APBB2: variants seen among roughly 807,000 people sequenced by gnomAD.
APBB2 encodes the protein amyloid beta precursor protein binding family B member 2.
In APBB2, 38 loss-of-function variants were observed where a neutral mutation model predicts 82.5. The ratio of observed to expected loss-of-function variants is 0.46; its 90% CI spans 0.36 to 0.60. APBB2 has a LOEUF of 0.60. APBB2 is among the 20% of genes least tolerant of loss of function. The pLI, the probability that APBB2 is intolerant of heterozygous loss-of-function variation, is 0.00. For synonymous variants in APBB2, 341 were observed against 368.2 expected (o/e 0.93, Z 0.85); for missense variants, 772 against 972.3 (o/e 0.79, Z 2.74).
intron 1 of APBB2, among the ~76,000 whole-genome samples, chr4:41,204,828 C>A (rs531885830): frequency 6.6e-6 from 1 of 152,148 alleles, no homozygotes; most frequent in Admixed American, 6.6e-5. Flanking sequence ...GAAAGGAATT[C>A]GAAAGATATA....
chr4:40,987,217 C>T (rs1162354783), intron 6 of APBB2, among the ~76,000 whole-genome samples: 1 of 137,310 alleles, frequency 7.3e-6, no homozygotes, highest in Non-Finnish European at 1.6e-5. Context: ...TGATACTAAG[C>T]ATATCATCAA....
At chr4:41,128,066 C>A (rs147303216) in intron 2 of APBB2, among the ~76,000 whole-genome samples, 2 of 149,464 alleles carry the variant, frequency 1.3e-5, no homozygotes, top group South Asian at 4.3e-4. Context: ...GGTAACAGAG[C>A]GAGACTCCAT....
chr4:41,210,384 A>T (rs1195338752), intron 1 of APBB2, among the ~76,000 whole-genome samples: 1 of 152,318 alleles, frequency 6.6e-6, no homozygotes, highest in Middle Eastern at 3.4e-3. Flanking sequence ...AGTGAATTGA[A>T]GTAAGGGACA....
At chr4:41,118,114 T>C (rs904450405) in intron 2 of APBB2, 3 of 151,788 alleles carry the variant, frequency 2.0e-5, no homozygotes, top group Non-Finnish European at 2.9e-5. Flanking sequence ...TTCAGGAGGC[T>C]GAGGAAGGAA....
chr4:41,033,876 T>C (rs540090502), intron 4 of APBB2, among the ~76,000 whole-genome samples: 14 of 152,124 alleles, frequency 9.2e-5, no homozygotes, highest in East Asian at 1.9e-4. Flanking sequence ...AACACCAATG[T>C]TGAATAAACA....
chr4:41,068,788 C>CT (rs71198628), intron 3 of APBB2, among the ~76,000 whole-genome samples: 4 of 78,376 alleles, frequency 5.1e-5, no homozygotes, highest in African/African-American at 2.1e-4. Flanking sequence ...TACCAACCAT[C>CT]TTTTTTTTTT....
chr4:41,049,370 T>G (rs1456363012), intron 4 of APBB2, among the ~76,000 whole-genome samples: 3 of 133,312 alleles, frequency 2.3e-5, no homozygotes, highest in Admixed American at 7.4e-5. Context: ...GTCCGGGAGG[T>G]GGGGGGTCAG....
At chr4:41,003,869 T>A (rs570990171) in intron 6 of APBB2, among the ~76,000 whole-genome samples, 3 of 152,114 alleles carry the variant, frequency 2.0e-5, no homozygotes, top group African/African-American at 7.2e-5. Flanking sequence ...CCTGCCACCA[T>A]GTCCAGCTAA....
At chr4:40,929,307 T>A (rs945630895) in intron 10 of APBB2, among the ~76,000 whole-genome samples, 1 of 151,882 alleles carries the variant, frequency 6.6e-6, no homozygotes, top group African/African-American at 2.4e-5. Flanking sequence ...TAAGGGGAAA[T>A]TATTTATTTA....
intron 10 of APBB2, among the ~76,000 whole-genome samples, chr4:40,917,008 G>T (rs547285308): frequency 6.6e-6 from 1 of 152,172 alleles, no homozygotes; most frequent in African/African-American, 2.4e-5. Flanking sequence ...ACTTCTGCAG[G>T]CTTCCTCAAG....
At chr4:41,141,826 T>C (rs1759306055) in intron 2 of APBB2, among the ~76,000 whole-genome samples, 1 of 152,160 alleles carries the variant, frequency 6.6e-6, no homozygotes, top group Non-Finnish European at 1.5e-5. Flanking sequence ...TAAGACTCAT[T>C]ACCTATCACA....
intron 10 of APBB2, among the ~76,000 whole-genome samples, chr4:40,905,445 G>T (rs930647026): frequency 6.6e-6 from 1 of 152,190 alleles, no homozygotes; most frequent in Non-Finnish European, 1.5e-5. Context: ...GGAGCCAGGC[G>T]AGTTCCCAGG....
At chr4:40,834,952 G>A (rs115930982) in intron 12 of APBB2, among the ~76,000 whole-genome samples, 3,520 of 152,294 alleles carry the variant, frequency 0.023, 146 homozygotes, top group African/African-American at 0.08. Context: ...ATTTTATGGT[G>A]TGGTATTAAA....
intron 2 of APBB2, among the ~76,000 whole-genome samples, chr4:41,106,310 C>CTA (rs1177185386): frequency 6.6e-6 from 1 of 152,226 alleles, no homozygotes; most frequent in African/African-American, 2.4e-5. Context: ...TCTTCAACCT[C>CTA]TAGCCCAAAG....
chr4:41,006,655 G>A (rs187533969), intron 6 of APBB2, among the ~76,000 whole-genome samples: 34 of 152,178 alleles, frequency 2.2e-4, no homozygotes, highest in African/African-American at 6.5e-4. Context: ...TAGTAGAAAC[G>A]GGGTTTTGCC....
chr4:41,154,898 T>C (rs1336348361), intron 1 of APBB2, among the ~76,000 whole-genome samples: 1 of 152,156 alleles, frequency 6.6e-6, no homozygotes, highest in Non-Finnish European at 1.5e-5. Flanking sequence ...AAAAGGGAGA[T>C]CACAGCATAT....
At position 40,982,274 on chromosome 4, in the gene APBB2, GAA is replaced by G. The variant is rs367673683; in HGVS notation, c.835+31307_835+31308del. Among the ~76,000 whole-genome samples, 138 of 29,212 alleles carry G rather than the reference GAA, an allele frequency of 4.7e-3. 16 individuals are homozygous for G. The highest frequency in any genetic ancestry group is 0.018 in the African/African-American group (130 of 7,424). 19.2% of individuals were successfully genotyped at this position (29,212 alleles called of 152,430 possible). On this transcript the variant is annotated intron_variant, in intron 6 of 17. Coordinates refer to ENST00000508593, the MANE Select transcript of APBB2 (RefSeq NM_004307.2). ...AGAAAGAAAGAAAGAAAGAAAGAAA[GAA>G]AGAAAGAAGGAAGGAAGGAAGGAAG... is the stretch of plus-strand genomic sequence containing the variant.
At chr4:41,193,605 T>C in intron 1 of APBB2, 1 of 982,010 alleles carries the variant, frequency 1.0e-6, no homozygotes, top group Non-Finnish European at 1.2e-6. Context: ...AACATGTTCC[T>C]TGCGGAGGCT....
At chr4:40,991,683 C>T (rs185307554) in intron 6 of APBB2, among the ~76,000 whole-genome samples, 1 of 152,148 alleles carries the variant, frequency 6.6e-6, no homozygotes, top group Admixed American at 6.5e-5. Context: ...CTAGACTTTT[C>T]ACCCCCTCCT....
Sources: gnomAD v4.1 joint callset for allele counts (sites outside exome capture counted in the v4.1 genomes callset) on GRCh38, gnomAD v4.1.1 for gene constraint, MANE v1.5 for transcripts, NCBI Gene and HGNC (gene_info 2026-07-23, HGNC 2026-07-21) for gene names.